The following NREP variants were observed in gnomAD, a reference collection of about 807,000 sequenced individuals.
The protein encoded by NREP is neuronal regeneration-related protein.
A neutral mutation model predicts 8.6 loss-of-function variants in NREP; 5 were observed. The ratio of observed to expected loss-of-function variants is 0.58; its 90% CI spans 0.30 to 1.22. The LOEUF (loss-of-function observed/expected upper bound fraction) is 1.22. Ranked by LOEUF, NREP falls within the 50% of genes most tolerant of loss-of-function variation. The pLI, the probability that NREP is intolerant of heterozygous loss-of-function variation, is 0.07. For synonymous variants in NREP, 27 were observed against 28.0 expected (o/e 0.96, Z 0.11); for missense variants, 86 against 82.5 (o/e 1.04, Z -0.17).
rs1031855155 is a variant in NREP, at chr5:111,871,026, G to C, written c.135+104248C>G. ...TAGGGCTGGCATCTGTATTAGTAAG[G>C]GTTCTCTAGAAAAACAGAACCAATG... On this transcript the variant is annotated intron_variant, in intron 2 of 3. Transcript: ENST00000395634. Among the ~76,000 whole-genome samples, 53 of 147,958 alleles carry C rather than the reference G, an allele frequency of 3.6e-4. 1 individual carries two copies. Among genetic ancestry groups the C allele is most frequent in the African/African-American group, 1.3e-3 (52 of 39,586 alleles).
At chr5:111,857,572 G>A (rs907027474) in intron 2 of NREP, among the ~76,000 whole-genome samples, 2 of 152,116 alleles carry the variant, frequency 1.3e-5, no homozygotes, top group Non-Finnish European at 2.9e-5. Context: ...TGTGTATCGG[G>A]GTGATGGGTG....
At chr5:111,769,750 G>A (rs528527065) in intron 2 of NREP, among the ~76,000 whole-genome samples, 64 of 152,274 alleles carry the variant, frequency 4.2e-4, no homozygotes, top group African/African-American at 1.5e-3. Flanking sequence ...AGAGAGTAAA[G>A]GGGGAAGTGC....
rs1160290580 is a variant in NREP at position 111,730,355 on chromosome 5, C to CA, written c.*565dup. Reference sequence around the variant, plus strand: ...CTCGCCAAGGAGCATGTTGAAAGTCCAAAATAGCACCATTCATCAGTGTCT... The same window carrying CA: ...CTCGCCAAGGAGCATGTTGAAAGTCCAAAAATAGCACCATTCATCAGTGTCT... On this transcript the variant is annotated 3_prime_UTR_variant, in exon 4 of 4. Coordinates refer to ENST00000257435, the MANE Select transcript of NREP (RefSeq NM_004772.4). 6.6e-6 allele frequency: 1 copy of CA among 152,542 alleles called. No individual in the cohort carries two copies. Among genetic ancestry groups the CA allele is most frequent in the Non-Finnish European group, 1.5e-5 (1 of 68,042 alleles). 9.4% of individuals were successfully genotyped at this position (152,542 alleles called of 1,614,324 possible). A position where few individuals can be genotyped will look rare whatever the true frequency, so the allele number is the denominator to read the frequency against.
At chr5:111,764,474 AAG>A (rs1379382497) in intron 2 of NREP, among the ~76,000 whole-genome samples, 2 of 152,184 alleles carry the variant, frequency 1.3e-5, no homozygotes, top group Middle Eastern at 6.3e-3. Context: ...GCAGCAGGCA[AAG>A]AGAGAGCTTG....
intron 2 of NREP, among the ~76,000 whole-genome samples, chr5:111,875,357 TA>T (rs538841024): frequency 1.3e-5 from 2 of 152,000 alleles, no homozygotes; most frequent in East Asian, 1.9e-4. Context: ...ATCAATTAAT[TA>T]AAAAAAACTA....
At chr5:111,832,864 C>G (rs558798852) in intron 2 of NREP, among the ~76,000 whole-genome samples, 1 of 152,246 alleles carries the variant, frequency 6.6e-6, no homozygotes, top group Non-Finnish European at 1.5e-5. Flanking sequence ...ACAAACGGGG[C>G]AAGTTGGACT....
chr5:111,744,052 G>C (rs995032701), intron 2 of NREP, among the ~76,000 whole-genome samples: 3 of 152,076 alleles, frequency 2.0e-5, no homozygotes, highest in African/African-American at 4.8e-5. Flanking sequence ...GGATGAGATA[G>C]TTAGTTGCTT....
chr5:111,929,076 T>C (rs998051335), intron 2 of NREP, among the ~76,000 whole-genome samples: 4 of 152,126 alleles, frequency 2.6e-5, no homozygotes, highest in African/African-American at 9.7e-5. Flanking sequence ...AACACTCTTC[T>C]CCTCCTTATC....
At chr5:111,945,571 G>A (rs1755955149) in intron 2 of NREP, among the ~76,000 whole-genome samples, 1 of 151,714 alleles carries the variant, frequency 6.6e-6, no homozygotes, top group African/African-American at 2.4e-5. Flanking sequence ...GAAGAAAAGA[G>A]GAAAGTCAGA....
intron 2 of NREP, among the ~76,000 whole-genome samples, chr5:111,836,065 C>T (rs1752886540): frequency 6.6e-6 from 1 of 152,086 alleles, no homozygotes; most frequent in African/African-American, 2.4e-5. Context: ...TTAACTCAGT[C>T]CTTCCTCCCT....
intron 2 of NREP, among the ~76,000 whole-genome samples, chr5:111,743,001 T>G (rs1581058903): frequency 1.3e-5 from 2 of 152,148 alleles, no homozygotes; most frequent in South Asian, 4.1e-4. Flanking sequence ...CTTCAAATCT[T>G]GACTTTTAAT....
chr5:111,907,524 G>T (rs1225165561), intron 2 of NREP, among the ~76,000 whole-genome samples: 1 of 151,936 alleles, frequency 6.6e-6, no homozygotes, highest in Admixed American at 6.6e-5. Flanking sequence ...GCTCTTTTCT[G>T]CTCCATTAGC....
At chr5:111,797,290 G>A (rs1451051341) in intron 2 of NREP, among the ~76,000 whole-genome samples, 1 of 152,116 alleles carries the variant, frequency 6.6e-6, no homozygotes, top group African/African-American at 2.4e-5. Context: ...TGTCCTTATA[G>A]TGTGGCATTT....
rs568876231 is a variant in NREP, at chr5:111,864,350, G to A, written c.135+110924C>T. Among the ~76,000 whole-genome samples, 96 of 152,048 alleles carry A rather than the reference G, an allele frequency of 6.3e-4. 1 individual carries two copies. Among genetic ancestry groups the A allele is most frequent in the Non-Finnish European group, 8.5e-4 (58 of 68,004 alleles). ...TTATTGAGTTAAGAAGGCATGCAGT[G>A]CTCTCTTTTAGCTGAATAGTATCTC... On this transcript the variant is annotated intron_variant, in intron 2 of 3. Coordinates refer to the NREP transcript ENST00000395634.
intron 2 of NREP, among the ~76,000 whole-genome samples, chr5:111,774,752 C>T (rs1348719188): frequency 6.6e-6 from 1 of 152,224 alleles, no homozygotes; most frequent in Non-Finnish European, 1.5e-5. Flanking sequence ...AGTGGATTAA[C>T]TGCCAGAGCC....
intron 2 of NREP, among the ~76,000 whole-genome samples, chr5:111,775,989 T>G (rs950221734): frequency 1.1e-4 from 16 of 152,052 alleles, no homozygotes; most frequent in Admixed American, 8.5e-4. Flanking sequence ...ATTAAAACTA[T>G]AAAAAACCAT....
chr5:111,918,914 AAAACAAAACT>A (rs1256620128), intron 2 of NREP, among the ~76,000 whole-genome samples: 1 of 151,936 alleles, frequency 6.6e-6, no homozygotes, highest in Non-Finnish European at 1.5e-5. Context: ...AAAACAAAAC[AAAACAAAACT>A]ATCATCAGAG....
chr5:111,797,611 G>C (rs1751903629), intron 2 of NREP, among the ~76,000 whole-genome samples: 1 of 152,214 alleles, frequency 6.6e-6, no homozygotes, highest in African/African-American at 2.4e-5. Flanking sequence ...CAGCAGGGCA[G>C]AGGTGCTAGG....
At chr5:111,900,067 T>C (rs778167517) in intron 2 of NREP, among the ~76,000 whole-genome samples, 2 of 152,114 alleles carry the variant, frequency 1.3e-5, no homozygotes, top group African/African-American at 2.4e-5. Flanking sequence ...TCTCAATAGA[T>C]TTTAAAATTT....
Sources: allele counts gnomAD v4.1 joint callset (sites outside exome capture counted in the v4.1 genomes callset), GRCh38; gene constraint gnomAD v4.1.1; transcripts MANE v1.5; gene names NCBI Gene and HGNC (gene_info 2026-07-23, HGNC 2026-07-21).